Variants in ZBTB40 observed in about 807,000 individuals in gnomAD.
ZBTB40 encodes the protein zinc finger and BTB domain-containing protein 40.
A neutral mutation model predicts 117.5 loss-of-function variants in ZBTB40; 60 were observed. The observed-to-expected ratio is 0.51, with a 90% CI of 0.41 to 0.63. The LOEUF is 0.63. Among genes scored for constraint, ZBTB40 ranks in the 30% least tolerant of loss-of-function variants. The pLI is 0.00. For missense variants in ZBTB40, 1,287 were observed against 1,498.5 expected (o/e 0.86, Z 2.33); for synonymous variants, 525 against 577.1 (o/e 0.91, Z 1.29).
intron 1 of ZBTB40, among the ~76,000 whole-genome samples, chr1:22,455,136 T>C (rs1640975230): frequency 6.6e-6 from 1 of 152,198 alleles, no homozygotes; most frequent in Admixed American, 6.5e-5. Flanking sequence ...GTGTTTTAAG[T>C]TGGAAACTAC....
chr1:22,520,411 A>G lies in ZBTB40; in HGVS notation c.3048+136A>G, dbSNP rs1051658476. 1.3e-5 allele frequency: 10 copies of G among 765,322 alleles called. No homozygotes were observed. In the African/African-American group the frequency reaches 1.7e-4, roughly 13 times the overall value. The allele number at this position is 765,322 out of a possible 1,614,324, so 47.4% of individuals were successfully genotyped here. On this transcript the variant is annotated intron_variant, in intron 14 of 17. Transcript: ENST00000375647. ...TGTGACAATTGGCTGATTCTCATGA[A>G]GGATGCAGCTTGTGATCCAGATTCT...
intron 15 of ZBTB40, 127 bp downstream of exon 15, chr1:22,521,785 C>A: frequency 7.3e-7 from 1 of 1,366,856 alleles, no homozygotes; most frequent in Non-Finnish European, 1.0e-6. Context: ...TTGTTCTGCC[C>A]CAGCGCACCT....
In ZBTB40 at chr1:22,501,671, A is replaced by G. The variant is rs1465286441; in HGVS notation, c.1011A>G (p.Thr337=). ...ACAGGAAGCCAGAAGATGTAGACAC[A>G]GTGCAGCCAAAAGGTAGGAGAAGAT... ...LLDRKPEDVD[T]VQPKGSTEEG... The change falls in exon 4 of 18, where the codon ACA becomes ACG. Residue 337 remains threonine (T), a synonymous_variant. Coordinates refer to ENST00000375647, the MANE Select transcript of ZBTB40 (RefSeq NM_014870.4). 1 of 1,613,730 alleles carries G rather than the reference A, an allele frequency of 6.2e-7. No homozygotes were observed. Among genetic ancestry groups the G allele is most frequent in the African/African-American group, 1.3e-5 (1 of 74,926 alleles).
chr1:22,510,567 A>G (rs1456230302), intron 9 of ZBTB40, among the ~76,000 whole-genome samples: 1 of 151,970 alleles, frequency 6.6e-6, no homozygotes, highest in African/African-American at 2.4e-5. Context: ...CAGTGTACCG[A>G]CTCTTTCTGC....
chr1:22,439,056 C>T (rs962913213), intron 1 of ZBTB40, among the ~76,000 whole-genome samples: 2 of 152,070 alleles, frequency 1.3e-5, no homozygotes, highest in Non-Finnish European at 2.9e-5. Flanking sequence ...TTAGTAGAGA[C>T]AGGGTTTCAC....
At chr1:22,493,023 G>C (rs772020827) in intron 3 of ZBTB40, among the ~76,000 whole-genome samples, 2 of 152,120 alleles carry the variant, frequency 1.3e-5, no homozygotes, top group African/African-American at 2.4e-5. Context: ...CAAGTTATTA[G>C]TGTCACCTTT....
Position 22,526,742 on chromosome 1 carries a change from C to A in ZBTB40, c.*346C>A, listed in dbSNP as rs1274470055. The A allele has an allele frequency of 2.8e-6, 1 of 354,762 alleles. No homozygotes were observed. The highest frequency in any genetic ancestry group is 5.5e-6 in the Non-Finnish European group (1 of 181,436). 22.0% of individuals were successfully genotyped at this position (354,762 alleles called of 1,614,324 possible). ...ATGGGAGCTGGTGACCAGGGTACCC[C>A]AGGAGGCATGATGTGCCGACAGCGC... is the stretch of plus-strand genomic sequence containing the variant. On this transcript the variant is annotated 3_prime_UTR_variant, in exon 18 of 18. Transcript: ENST00000375647.
At chr1:22,439,985 T>A (rs1168546472) in intron 1 of ZBTB40, among the ~76,000 whole-genome samples, 2 of 152,230 alleles carry the variant, frequency 1.3e-5, no homozygotes, top group Admixed American at 6.5e-5. Flanking sequence ...TTTATTTATG[T>A]CTTCTTTAAT....
At position 22,530,388 on chromosome 1, in the gene ZBTB40, G is replaced by A. The variant is rs1639798713; in HGVS notation, c.*3992G>A. 6.6e-6 allele frequency: 1 copy of A among 152,282 alleles called. No homozygotes were observed. Among genetic ancestry groups the A allele is most frequent in the Non-Finnish European group, 1.5e-5 (1 of 68,036 alleles). 9.4% of individuals were successfully genotyped at this position (152,282 alleles called of 1,614,324 possible). On this transcript the variant is annotated 3_prime_UTR_variant, in exon 18 of 18. Coordinates refer to ENST00000375647, the MANE Select transcript of ZBTB40 (RefSeq NM_014870.4). ...GGGGCTGGTGGGACTTAGGCCAAAA[G>A]CTCAGAGGCACAGCCAAAATTTAGA...
At chr1:22,488,384 A>G (rs1453248125) in intron 1 of ZBTB40, among the ~76,000 whole-genome samples, 1 of 152,200 alleles carries the variant, frequency 6.6e-6, no homozygotes, top group Non-Finnish European at 1.5e-5. Context: ...AAGGAGCGGG[A>G]TGTTCTGAGG....
intron 2 of ZBTB40, among the ~76,000 whole-genome samples, 177 bp from the exon 3 acceptor site, chr1:22,491,223 G>A (rs1638622363): frequency 6.6e-6 from 1 of 152,170 alleles, no homozygotes. Flanking sequence ...CCAGGCTGAG[G>A]ACAGCACAAA....
At chr1:22,511,493 G>A (rs1557517453) in intron 10 of ZBTB40, 146 bp downstream of exon 10, 1 of 1,302,058 alleles carries the variant, frequency 7.7e-7, no homozygotes, top group Non-Finnish European at 1.1e-6. Context: ...AAAAAGTCAT[G>A]AGACATAGGG....
Position 22,522,516 on chromosome 1 carries a change from C to T in ZBTB40, c.3298+53C>T, listed in dbSNP as rs35474829. The T allele has an allele frequency of 3.2e-6, 5 of 1,555,224 alleles. No individual in the cohort carries two copies. The South Asian group carries it at 3.3e-5, about 10-fold the overall frequency. The stretch of plus-strand genomic sequence containing the variant: ...GGCTAGACTCGGGGCCTGAATCTCC[C>T]CTCCACCACTTGCAGCTTTGCAACC... On this transcript the variant is annotated intron_variant, in intron 16 of 17. Transcript: ENST00000375647.
chr1:22,506,628 C>T (rs1301839569), intron 6 of ZBTB40, among the ~76,000 whole-genome samples: 2 of 152,194 alleles, frequency 1.3e-5, no homozygotes, highest in African/African-American at 2.4e-5. Flanking sequence ...CACTAGAGTG[C>T]TGTTTGCTTC....
intron 1 of ZBTB40, among the ~76,000 whole-genome samples, chr1:22,480,218 T>C (rs1414965802): frequency 6.6e-6 from 1 of 152,098 alleles, no homozygotes; most frequent in African/African-American, 2.4e-5. Context: ...GAATTTCTTA[T>C]ATATTCTAGA....
intron 1 of ZBTB40, among the ~76,000 whole-genome samples, chr1:22,455,414 A>G (rs1640981226): frequency 6.6e-6 from 1 of 152,248 alleles, no homozygotes; most frequent in South Asian, 2.1e-4. Context: ...CTATGTAAGA[A>G]GAACAGCATG....
At position 22,509,989 on chromosome 1, in the gene ZBTB40, A is replaced by G. The variant is rs542834506; in HGVS notation, c.1833+756A>G. ...TTACATGTTCTATTCTGGCTTCTAG[A>G]AAGAGCCAAGATAAACATAGATAAA... On this transcript the variant is annotated intron_variant, in intron 9 of 17. Coordinates refer to ENST00000375647, the MANE Select transcript of ZBTB40 (RefSeq NM_014870.4). Among the ~76,000 whole-genome samples the G allele has an allele frequency of 1.6e-4, 25 of 152,354 alleles. No homozygotes were observed. In the South Asian group the frequency reaches 5.2e-3, roughly 32 times the overall value.
chr1:22,480,059 C>T (rs77061951), intron 1 of ZBTB40, among the ~76,000 whole-genome samples: 2 of 152,046 alleles, frequency 1.3e-5, no homozygotes. Context: ...GGCACCCCCC[C>T]ACCACGCCAG....
upstream of ZBTB40, among the ~76,000 whole-genome samples, chr1:22,447,344 A>C (rs1640801328): frequency 6.6e-6 from 1 of 152,116 alleles, no homozygotes; most frequent in African/African-American, 2.4e-5. Flanking sequence ...GGTGATTTGG[A>C]CTTTGGCTGT....
Sources: gnomAD v4.1 joint callset for allele counts (sites outside exome capture counted in the v4.1 genomes callset) on GRCh38, gnomAD v4.1.1 for gene constraint, MANE v1.5 for transcripts, NCBI Gene and HGNC (gene_info 2026-07-23, HGNC 2026-07-21) for gene names.